The following MATCAP2 variants were observed in gnomAD, a reference collection of about 807,000 sequenced individuals.
MATCAP2 encodes the protein putative tyrosine carboxypeptidase MATCAP2.
At chr7:36,359,280 G>C in the MATCAP2 span, among the ~76,000 whole-genome samples, 1 of 152,160 alleles carries the variant, frequency 6.6e-6, no homozygotes, top group Non-Finnish European at 1.5e-5. Context: ...GCAGGTAAAG[G>C]CCAGGGATGC....
At chr7:36,364,803 G>A in the MATCAP2 span, among the ~76,000 whole-genome samples, 1 of 152,148 alleles carries the variant, frequency 6.6e-6, no homozygotes, top group Non-Finnish European at 1.5e-5. Flanking sequence ...TGGGCACAGG[G>A]CTCTAGAATT....
chr7:36,358,635 G>T, the MATCAP2 span, among the ~76,000 whole-genome samples: 1 of 152,182 alleles, frequency 6.6e-6, no homozygotes. Context: ...ATATACTGTT[G>T]TGCATTCACT....
chr7:36,334,687 G>C, the MATCAP2 span, among the ~76,000 whole-genome samples: 1 of 152,182 alleles, frequency 6.6e-6, no homozygotes, highest in East Asian at 1.9e-4. Context: ...CTCAAGAGAG[G>C]AGGTATAACC....
chr7:36,328,314 C>T, the MATCAP2 span, among the ~76,000 whole-genome samples: 1 of 151,706 alleles, frequency 6.6e-6, no homozygotes, highest in South Asian at 2.1e-4. Flanking sequence ...TCGCCTCCAC[C>T]TCCCAAAGTG....
chr7:36,358,551 CA>C, the MATCAP2 span, among the ~76,000 whole-genome samples: 1 of 152,146 alleles, frequency 6.6e-6, no homozygotes, highest in East Asian at 1.9e-4. Flanking sequence ...ATTAATATAT[CA>C]AATGGCAAGT....
chr7:36,341,508 C>T, the MATCAP2 span, among the ~76,000 whole-genome samples: 1 of 152,150 alleles, frequency 6.6e-6, no homozygotes, highest in Non-Finnish European at 1.5e-5. Flanking sequence ...ATTTTGAAAT[C>T]CTAACCCCCA....
chr7:36,389,929 C>T, the MATCAP2 span: 7 of 1,610,302 alleles, frequency 4.3e-6, no homozygotes, highest in East Asian at 2.2e-5. Flanking sequence ...CCTCAGACTC[C>T]TGGTTTTTTC....
chr7:36,324,283 A>AAAAC, the MATCAP2 span: 1 of 152,352 alleles, frequency 6.6e-6, no homozygotes, highest in African/African-American at 2.4e-5. Flanking sequence ...AAAGATATAC[A>AAAAC]AAACAAACAA....
At chr7:36,385,142 T>C in the MATCAP2 span, among the ~76,000 whole-genome samples, 1 of 152,158 alleles carries the variant, frequency 6.6e-6, no homozygotes, top group Non-Finnish European at 1.5e-5. Context: ...AGTTTACAGA[T>C]CTTTATGTAA....
chr7:36,390,244 C>T, the MATCAP2 span: 1 of 805,714 alleles, frequency 1.2e-6, no homozygotes, highest in Non-Finnish European at 1.9e-6. Flanking sequence ...TGTTTCGGTC[C>T]TACAGATAAA....
chr7:36,357,722 T>C, the MATCAP2 span: 1 of 672,682 alleles, frequency 1.5e-6, no homozygotes, highest in Non-Finnish European at 2.4e-6. Context: ...AAAAAAACAT[T>C]TTAAATATTA....
chr7:36,357,031 G>T, the MATCAP2 span: 1 of 1,614,146 alleles, frequency 6.2e-7, no homozygotes, highest in Non-Finnish European at 8.5e-7. Context: ...CTTTCTCTAA[G>T]TTGGTGGGTT....
the MATCAP2 span, among the ~76,000 whole-genome samples, chr7:36,388,165 T>G: frequency 6.6e-6 from 1 of 152,274 alleles, no homozygotes; most frequent in East Asian, 1.9e-4. Context: ...ACAGGCTAAA[T>G]CAGAAGTTCT....
chr7:36,381,716 C>T, the MATCAP2 span, among the ~76,000 whole-genome samples: 1 of 150,298 alleles, frequency 6.7e-6, no homozygotes, highest in Non-Finnish European at 1.5e-5. Flanking sequence ...CCGGAGAATA[C>T]ACCAGCAAAC....
chr7:36,360,176 GCT>G, the MATCAP2 span, among the ~76,000 whole-genome samples: 27 of 152,094 alleles, frequency 1.8e-4, no homozygotes, highest in Non-Finnish European at 1.2e-4. Context: ...ATGTGAAAAT[GCT>G]CTGTTTTCTA....
the MATCAP2 span, among the ~76,000 whole-genome samples, chr7:36,387,575 T>C: frequency 1.5e-4 from 23 of 152,186 alleles, no homozygotes; most frequent in Non-Finnish European, 2.4e-4. Flanking sequence ...TAGACTTGAA[T>C]ATCTACCGTA....
the MATCAP2 span, chr7:36,334,137 T>C: frequency 6.2e-7 from 1 of 1,612,926 alleles, no homozygotes; most frequent in Non-Finnish European, 8.5e-7. Flanking sequence ...CTGGAGGTTG[T>C]TAATACCTCG....
At chr7:36,372,631 G>T in the MATCAP2 span, among the ~76,000 whole-genome samples, 1 of 152,174 alleles carries the variant, frequency 6.6e-6, no homozygotes, top group African/African-American at 2.4e-5. Flanking sequence ...AAGGGAGGAA[G>T]GATGTTTTTT....
chr7:36,335,889 G>A, the MATCAP2 span, among the ~76,000 whole-genome samples: 2 of 151,988 alleles, frequency 1.3e-5, no homozygotes, highest in Non-Finnish European at 1.5e-5. Flanking sequence ...TGGCCAACAC[G>A]GCAAAAACAC....
Sources: allele counts gnomAD v4.1 joint callset (sites outside exome capture counted in the v4.1 genomes callset), GRCh38; gene constraint gnomAD v4.1.1; transcripts MANE v1.5; gene names NCBI Gene and HGNC (gene_info 2026-07-23, HGNC 2026-07-21).